Variants in CHRM3 observed in about 807,000 individuals in gnomAD.
CHRM3 encodes muscarinic acetylcholine receptor M3.
Under a neutral mutation model 41.8 loss-of-function variants are expected in CHRM3, and 11 were observed. That is an observed-to-expected ratio of 0.26 (90% CI 0.17 to 0.44). The LOEUF (loss-of-function observed/expected upper bound fraction) is 0.44. Among genes scored for constraint, CHRM3 ranks in the 20% least tolerant of loss-of-function variants. The probability of loss-of-function intolerance (pLI) is 1.00; values close to 1 mark genes in which losing one functional copy is unlikely to be tolerated. For missense variants in CHRM3, 571 were observed against 745.4 expected (o/e 0.77, Z 2.72); for synonymous variants, 297 against 301.4 (o/e 0.99, Z 0.15).
At chr1:239,506,007 C>T (rs768181264) in intron 2 of CHRM3, among the ~76,000 whole-genome samples, 48 of 152,110 alleles carry the variant, frequency 3.2e-4, no homozygotes, top group Non-Finnish European at 5.1e-4. Flanking sequence ...TGTAAGGTAT[C>T]TGGTGGAAGA....
chr1:239,848,670 G>A (rs1264381224), intron 6 of CHRM3, among the ~76,000 whole-genome samples: 4 of 152,094 alleles, frequency 2.6e-5, no homozygotes, highest in African/African-American at 9.7e-5. Flanking sequence ...TCCCTATGGT[G>A]TATTTCTCTA....
chr1:239,797,088 A>T (rs1330711618), intron 5 of CHRM3, among the ~76,000 whole-genome samples: 1 of 152,204 alleles, frequency 6.6e-6, no homozygotes, highest in Non-Finnish European at 1.5e-5. Context: ...TCCTAAGTGA[A>T]TTAATGCAGA....
At chr1:239,788,591 C>A (rs1669091799) in intron 5 of CHRM3, among the ~76,000 whole-genome samples, 1 of 151,952 alleles carries the variant, frequency 6.6e-6, no homozygotes, top group Admixed American at 6.6e-5. Context: ...CATGGTGAAA[C>A]CCCATCTCTA....
chr1:239,713,600 A>G (rs1662033934), intron 5 of CHRM3, among the ~76,000 whole-genome samples: 1 of 152,200 alleles, frequency 6.6e-6, no homozygotes, highest in African/African-American at 2.4e-5. Flanking sequence ...GATGAGAAGC[A>G]TCCCTCTATG....
At position 239,739,021 on chromosome 1, in the gene CHRM3, C is replaced by A. The variant is rs536971389; in HGVS notation, c.-147+60733C>A. 1.6e-4 allele frequency among the ~76,000 whole-genome samples: 25 copies of A among 152,254 alleles called. 1 individual carries two copies. The South Asian group carries it at 5.2e-3, about 32-fold the overall frequency. On this transcript the variant is annotated intron_variant, in intron 5 of 6. Transcript: ENST00000676153. ...CCTACCTGTTTCCATAGATTTCAAT[C>A]GTTTTGTTAATGCTCACTACAGGAA...
At chr1:239,670,667 A>G (rs1674266747) in intron 4 of CHRM3, among the ~76,000 whole-genome samples, 1 of 152,094 alleles carries the variant, frequency 6.6e-6, no homozygotes, top group Non-Finnish European at 1.5e-5. Flanking sequence ...AGCTGGGATT[A>G]CAGGCGTGCT....
intron 2 of CHRM3, among the ~76,000 whole-genome samples, chr1:239,505,801 G>C (rs2148163878): frequency 6.6e-6 from 1 of 152,298 alleles, no homozygotes; most frequent in African/African-American, 2.4e-5. Flanking sequence ...GAACTTCCTA[G>C]AGACTTGTTG....
At chr1:239,830,697 C>T (rs1672827190) in intron 6 of CHRM3, among the ~76,000 whole-genome samples, 1 of 152,122 alleles carries the variant, frequency 6.6e-6, no homozygotes, top group African/African-American at 2.4e-5. Context: ...GAGGGAGACT[C>T]CATGTCAAAA....
At chr1:239,442,276 T>C (rs564526125) in intron 1 of CHRM3, among the ~76,000 whole-genome samples, 1 of 152,148 alleles carries the variant, frequency 6.6e-6, no homozygotes, top group African/African-American at 2.4e-5. Context: ...CCAGCTGATT[T>C]TTTGTATTTT....
At chr1:239,513,918 CT>C (rs1669088571) in intron 2 of CHRM3, among the ~76,000 whole-genome samples, 1 of 151,988 alleles carries the variant, frequency 6.6e-6, no homozygotes, top group African/African-American at 2.4e-5. Context: ...GCATTTGTTC[CT>C]TTGTCAAAGA....
chr1:239,851,515 A>G (rs917847146), intron 6 of CHRM3, among the ~76,000 whole-genome samples: 3 of 152,296 alleles, frequency 2.0e-5, no homozygotes, highest in East Asian at 1.9e-4. Context: ...ATATAATGCA[A>G]TTGTCTGACA....
At chr1:239,762,255 A>C (rs1047657447) in intron 5 of CHRM3, among the ~76,000 whole-genome samples, 2 of 152,120 alleles carry the variant, frequency 1.3e-5, no homozygotes, top group African/African-American at 4.8e-5. Context: ...CTTCTTCCCG[A>C]GAGAATTGAT....
chr1:239,456,806 C>A (rs1664976041), intron 1 of CHRM3, among the ~76,000 whole-genome samples: 1 of 152,184 alleles, frequency 6.6e-6, no homozygotes, highest in Non-Finnish European at 1.5e-5. Flanking sequence ...GGCTGTCAGG[C>A]AATTGCCCTT....
Position 239,561,135 on chromosome 1 carries a change from C to T in CHRM3, c.-313+15386C>T, listed in dbSNP as rs79987308. On this transcript the variant is annotated intron_variant, in intron 3 of 6. Coordinates refer to ENST00000676153, the MANE Select transcript of CHRM3 (RefSeq NM_001375978.1). ...AGGTAGTAACCTTTCACCTGTTTTC[C>T]GCAGGACCACTCTTGTGCTGTCCTT... 3.1e-3 allele frequency among the ~76,000 whole-genome samples: 471 copies of T among 152,230 alleles called. 3 individuals carry two copies. The highest frequency in any genetic ancestry group is 0.011 in the African/African-American group (450 of 41,534).
intron 1 of CHRM3, among the ~76,000 whole-genome samples, chr1:239,479,907 T>C (rs1666718532): frequency 6.6e-6 from 1 of 152,308 alleles, no homozygotes; most frequent in African/African-American, 2.4e-5. Context: ...CTGTAGACAT[T>C]ATAAACATTG....
chr1:239,418,101 C>T (rs945945296), intron 1 of CHRM3, among the ~76,000 whole-genome samples: 17 of 152,188 alleles, frequency 1.1e-4, no homozygotes, highest in Middle Eastern at 3.4e-3. Context: ...ATTCACTTGC[C>T]GCAGTAGCAG....
intron 1 of CHRM3, among the ~76,000 whole-genome samples, chr1:239,411,676 G>T (rs1021973650): frequency 2.1e-4 from 24 of 115,922 alleles, no homozygotes; most frequent in African/African-American, 8.1e-4. Context: ...AGTGAGCCAA[G>T]ATCGCCCCAT....
chr1:239,814,883 C>G (rs189818008), intron 5 of CHRM3, among the ~76,000 whole-genome samples: 68 of 152,240 alleles, frequency 4.5e-4, no homozygotes, highest in South Asian at 4.1e-3. Context: ...TCCCTTCAAG[C>G]GATTCTCCTG....
chr1:239,874,264 C>T (rs1027932458), intron 6 of CHRM3, among the ~76,000 whole-genome samples: 1 of 63,944 alleles, frequency 1.6e-5, no homozygotes, highest in East Asian at 6.7e-4. Flanking sequence ...ATAGCAAGAC[C>T]TATATATATC....
Sources: allele counts gnomAD v4.1 joint callset (sites outside exome capture counted in the v4.1 genomes callset), GRCh38; gene constraint gnomAD v4.1.1; transcripts MANE v1.5; gene names NCBI Gene and HGNC (gene_info 2026-07-23, HGNC 2026-07-21).